The following SHISAL2A variants were observed in gnomAD, a reference collection of about 807,000 sequenced individuals.
SHISAL2A encodes protein shisa-like-2A.
Under a neutral mutation model 11.5 loss-of-function variants are expected in SHISAL2A, and 18 were observed. That is an observed-to-expected ratio of 1.57 (90% CI 1.08 to 2.33). The LOEUF (loss-of-function observed/expected upper bound fraction) is 2.33. Ranked by LOEUF, SHISAL2A falls within the 30% of genes most tolerant of loss-of-function variation. SHISAL2A has a pLI of 0.00. For synonymous variants in SHISAL2A, 94 were observed against 99.6 expected, an observed-to-expected ratio of 0.94 and a Z score of 0.34; for missense variants, 261 against 250.9, an observed-to-expected ratio of 1.04 and a Z score of -0.27.
intron 2 of SHISAL2A, among the ~76,000 whole-genome samples, chr1:52,646,681 A>G (rs1192218157): frequency 6.6e-5 from 10 of 152,226 alleles, no homozygotes; most frequent in Non-Finnish European, 4.4e-5. Context: ...TTACACATGT[A>G]TCCTAGGTGA....
rs1553253597 is a variant in SHISAL2A at position 52,666,583 on chromosome 1, C to CGCGTGTGT, written n.696-815_696-814insCGTGTGTG. On this transcript the variant is annotated intron_variant and non_coding_transcript_variant, in intron 4 of 5. Transcript: ENST00000401050. ...GAACTTTTGTTTCTGTGCACACGCG[C>CGCGTGTGT]GTGTGTGTGTGTGTGTGTCTATAGT... Among the ~76,000 whole-genome samples, 394 of 150,472 alleles carry CGCGTGTGT rather than the reference C, an allele frequency of 2.6e-3. 1 individual carries two copies. The highest frequency in any genetic ancestry group is 9.4e-3 in the African/African-American group (384 of 41,040).
intron 1 of SHISAL2A, among the ~76,000 whole-genome samples, chr1:52,634,511 G>C (rs933630073): frequency 3.9e-5 from 6 of 152,218 alleles, no homozygotes; most frequent in African/African-American, 1.4e-4. Context: ...TCATAGAAGT[G>C]TTGACTCTCC....
At chr1:52,662,220 T>C (rs949302934) in intron 4 of SHISAL2A, among the ~76,000 whole-genome samples, 1 of 152,118 alleles carries the variant, frequency 6.6e-6, no homozygotes, top group Non-Finnish European at 1.5e-5. Flanking sequence ...AGAAACAGTC[T>C]GGAAGCCTTC....
At chr1:52,647,956 G>A (rs1691538829) in intron 2 of SHISAL2A, among the ~76,000 whole-genome samples, 1 of 150,742 alleles carries the variant, frequency 6.6e-6, no homozygotes, top group Middle Eastern at 3.5e-3. Context: ...GGAAGGTTGG[G>A]ATGGGGGAAG....
chr1:52,638,509 A>G (rs532766984), intron 1 of SHISAL2A, among the ~76,000 whole-genome samples: 22 of 152,370 alleles, frequency 1.4e-4, no homozygotes, highest in African/African-American at 5.1e-4. Flanking sequence ...GAAAGAAGTC[A>G]TGAGTAATCC....
intron 2 of SHISAL2A, among the ~76,000 whole-genome samples, chr1:52,643,434 C>T (rs1691418099): frequency 6.6e-6 from 1 of 152,154 alleles, no homozygotes; most frequent in Non-Finnish European, 1.5e-5. Context: ...TCTGATGTTC[C>T]AGACTACCCA....
At chr1:52,648,389 A>G (rs1376159173) in intron 2 of SHISAL2A, among the ~76,000 whole-genome samples, 3 of 152,140 alleles carry the variant, frequency 2.0e-5, no homozygotes, top group South Asian at 2.1e-4. Flanking sequence ...AATGTACCAT[A>G]TTATTTGCTC....
intron 2 of SHISAL2A, among the ~76,000 whole-genome samples, chr1:52,648,135 ATAAT>A (rs567100380): frequency 1.2e-3 from 176 of 148,402 alleles, no homozygotes; most frequent in African/African-American, 4.0e-3. Flanking sequence ...TCATTATTAC[ATAAT>A]TAATTATCAA....
chr1:52,660,816 G>T (rs1691893641), downstream of SHISAL2A, among the ~76,000 whole-genome samples: 1 of 152,132 alleles, frequency 6.6e-6, no homozygotes, highest in South Asian at 2.1e-4. Context: ...ATGATTTTCT[G>T]CCAGAATCTT....
At chr1:52,663,834 T>C (rs1218706817) in intron 4 of SHISAL2A, among the ~76,000 whole-genome samples, 1 of 152,200 alleles carries the variant, frequency 6.6e-6, no homozygotes, top group Non-Finnish European at 1.5e-5. Context: ...AAGTTCAGTC[T>C]TTACATTAGT....
chr1:52,663,678 T>C (rs770777013), intron 4 of SHISAL2A, among the ~76,000 whole-genome samples: 28 of 152,148 alleles, frequency 1.8e-4, no homozygotes, highest in Non-Finnish European at 1.3e-4. Context: ...GGAGAATCGC[T>C]TGAACCTGGG....
intron 2 of SHISAL2A, among the ~76,000 whole-genome samples, chr1:52,650,715 GC>G (rs1400155118): frequency 1.4e-5 from 2 of 143,772 alleles, no homozygotes; most frequent in Non-Finnish European, 3.0e-5. Context: ...TGTGATCTTG[GC>G]TCACTGCAAC....
chr1:52,657,264 C>T (rs1247907339), downstream of SHISAL2A, among the ~76,000 whole-genome samples: 1 of 152,138 alleles, frequency 6.6e-6, no homozygotes, highest in Non-Finnish European at 1.5e-5. Flanking sequence ...TCCATGCAAT[C>T]GGGTGGAAGC....
rs1368745269 is a variant in SHISAL2A, at chr1:52,633,313, C to T, written c.-181C>T. 1.9e-6 allele frequency: 1 copy of T among 539,508 alleles called. No homozygotes were observed. Among genetic ancestry groups the T allele is most frequent in the East Asian group, 3.6e-5 (1 of 27,510 alleles). 33.4% of individuals were successfully genotyped at this position (539,508 alleles called of 1,614,324 possible). On this transcript the variant is annotated 5_prime_UTR_variant, in exon 1 of 3. Transcript: ENST00000517870. The surrounding 1 kb of genome is among the most constrained non-coding windows in gnomAD (Gnocchi z 6.4). The stretch of plus-strand genomic sequence containing the variant: ...CCTCCGCGCGGGCCGGGCACCTGGC[C>T]GCCGCTCGGTCCTCGGGGCCCCGCG...
chr1:52,655,547 G>A (rs1015860572), intron 2 of SHISAL2A, among the ~76,000 whole-genome samples: 1 of 150,008 alleles, frequency 6.7e-6, no homozygotes, highest in South Asian at 2.1e-4. Flanking sequence ...GATCACCTGA[G>A]CCCAGGAGGT....
intron 1 of SHISAL2A, among the ~76,000 whole-genome samples, chr1:52,634,196 C>G (rs764242680): frequency 2.0e-5 from 3 of 152,178 alleles, no homozygotes; most frequent in Non-Finnish European, 2.9e-5. Flanking sequence ...AGCTCTTCTC[C>G]CACATCCTGA....
chr1:52,657,838 C>A (rs1691824126), downstream of SHISAL2A, among the ~76,000 whole-genome samples: 2 of 147,524 alleles, frequency 1.4e-5, no homozygotes, highest in South Asian at 4.2e-4. Context: ...CTGGGCAAGA[C>A]CTCATCACAA....
At chr1:52,657,149 C>G (rs971019467), downstream of SHISAL2A, 1 of 1,395,582 alleles carries the variant, frequency 7.2e-7, no homozygotes, top group Non-Finnish European at 9.7e-7. Context: ...CTTCTCCCAG[C>G]AAAGATACCC....
rs1469426234 is a variant in SHISAL2A, at chr1:52,633,331, G to A, written c.-163G>A. ...ACCTGGCCGCCGCTCGGTCCTCGGG[G>A]CCCCGCGCTGCTGTCTCTGTCTCGG... On this transcript the variant is annotated 5_prime_UTR_variant, in exon 1 of 3. Transcript: ENST00000517870. The surrounding 1 kb of genome is among the most constrained non-coding windows in gnomAD (Gnocchi z 6.4). 9 of 638,542 alleles carry A rather than the reference G, an allele frequency of 1.4e-5. No homozygotes were observed. Among genetic ancestry groups the A allele is most frequent in the African/African-American group, 3.9e-5 (2 of 51,302 alleles). 39.6% of individuals were successfully genotyped at this position (638,542 alleles called of 1,614,324 possible). A position where few individuals can be genotyped will look rare whatever the true frequency, so the allele number is the denominator to read the frequency against.
Sources: allele counts gnomAD v4.1 joint callset (sites outside exome capture counted in the v4.1 genomes callset), GRCh38; gene constraint gnomAD v4.1.1; non-coding constraint Gnocchi (gnomAD v3.1); transcripts MANE v1.5; gene names NCBI Gene and HGNC (gene_info 2026-07-23, HGNC 2026-07-21).